Variants in ADARB2 observed in about 807,000 individuals in gnomAD.
The protein encoded by ADARB2 is adenosine deaminase RNA specific B2 (inactive), also known as inactive double-stranded RNA-specific editase B2.
A neutral mutation model predicts 62.2 loss-of-function variants in ADARB2; 25 were observed. The observed-to-expected ratio is 0.40, with a 90% CI of 0.29 to 0.56. The LOEUF is 0.56. Among genes scored for constraint, ADARB2 ranks in the 20% least tolerant of loss-of-function variants. ADARB2 has a pLI of 0.43. For missense variants in ADARB2, 1,071 were observed against 1,077.4 expected (o/e 0.99, Z 0.08); for synonymous variants, 572 against 500.8 (o/e 1.14, Z -1.90).
intron 1 of ADARB2, among the ~76,000 whole-genome samples, chr10:1,411,493 T>G (rs1832759275): frequency 6.6e-6 from 1 of 152,130 alleles, no homozygotes; most frequent in African/African-American, 2.4e-5. Context: ...GGACCCAAGA[T>G]TCTGTGAACC....
chr10:1,633,584 C>CTA (rs776560940), intron 1 of ADARB2, among the ~76,000 whole-genome samples: 33 of 144,894 alleles, frequency 2.3e-4, no homozygotes, highest in East Asian at 4.1e-4. Flanking sequence ...ATCTATCTAT[C>CTA]TATCTATCTA....
At chr10:1,629,868 G>A (rs1019540960) in intron 1 of ADARB2, among the ~76,000 whole-genome samples, 1 of 152,116 alleles carries the variant, frequency 6.6e-6, no homozygotes, top group Non-Finnish European at 1.5e-5. Flanking sequence ...AAGTGACCTG[G>A]ACACAAAGAC....
At chr10:1,686,750 TATG>T (rs1304932889) in intron 1 of ADARB2, among the ~76,000 whole-genome samples, 1 of 152,200 alleles carries the variant, frequency 6.6e-6, no homozygotes, top group Non-Finnish European at 1.5e-5. Flanking sequence ...ACAAGAATAA[TATG>T]ATATCACTTA....
At chr10:1,340,106 C>T (rs200064264) in intron 3 of ADARB2, among the ~76,000 whole-genome samples, 9 of 150,838 alleles carry the variant, frequency 6.0e-5, no homozygotes, top group Non-Finnish European at 7.4e-5. Flanking sequence ...CGGCAATAAC[C>T]GGCATCCACC....
chr10:1,551,472 G>T (rs1371683831), intron 1 of ADARB2, among the ~76,000 whole-genome samples: 1 of 152,188 alleles, frequency 6.6e-6, no homozygotes, highest in Non-Finnish European at 1.5e-5. Flanking sequence ...AAAGAGGCAG[G>T]CTCGAGCAGG....
At chr10:1,256,048 C>A (rs949990497) in intron 4 of ADARB2, among the ~76,000 whole-genome samples, 1 of 152,228 alleles carries the variant, frequency 6.6e-6, no homozygotes, top group Admixed American at 6.5e-5. Flanking sequence ...CTGCACAGAC[C>A]TCTCCACACT....
intron 1 of ADARB2, among the ~76,000 whole-genome samples, chr10:1,686,138 T>G (rs1588352373): frequency 6.6e-6 from 1 of 152,206 alleles, no homozygotes; most frequent in African/African-American, 2.4e-5. Context: ...AAAAAGTCTC[T>G]ACAAAAACAA....
chr10:1,459,216 G>A (rs6560734), intron 1 of ADARB2, among the ~76,000 whole-genome samples: 145,102 of 152,230 alleles, frequency 0.95, 69,431 homozygotes, highest in Non-Finnish European at 1. Context: ...TCATAAAGAC[G>A]TACGCACGTG....
intron 1 of ADARB2, among the ~76,000 whole-genome samples, chr10:1,502,531 G>A (rs1207481694): frequency 6.6e-6 from 1 of 152,216 alleles, no homozygotes; most frequent in Admixed American, 6.5e-5. Context: ...ACCCATGGAA[G>A]AAGCAAATCT....
At chr10:1,339,893 T>C (rs920673768) in intron 3 of ADARB2, among the ~76,000 whole-genome samples, 1 of 152,094 alleles carries the variant, frequency 6.6e-6, no homozygotes, top group Non-Finnish European at 1.5e-5. Context: ...GTTTTGAAGC[T>C]ACTCTCACAG....
At chr10:1,304,280 G>A (rs1241049542) in intron 3 of ADARB2, among the ~76,000 whole-genome samples, 2 of 151,160 alleles carry the variant, frequency 1.3e-5, no homozygotes, top group Non-Finnish European at 3.0e-5. Context: ...GACAAAGAAG[G>A]CCATTACATA....
chr10:1,666,568 G>A (rs1588344877), intron 1 of ADARB2, among the ~76,000 whole-genome samples: 1 of 152,200 alleles, frequency 6.6e-6, no homozygotes. Context: ...TGCCGCATCT[G>A]GGGTATCCAG....
At position 1,360,690 on chromosome 10, in the gene ADARB2, G is replaced by A. The variant is rs549814713; in HGVS notation, c.1077+2338C>T. ...CGAGGGAGGGTAAAATGGGCCCCTT[G>A]GACGCCGCGTGCAGAGCAGAGATGA... is the stretch of plus-strand genomic sequence containing the variant. On this transcript the variant is annotated intron_variant, in intron 3 of 9. Coordinates refer to ENST00000381312, the MANE Select transcript of ADARB2 (RefSeq NM_018702.4). 2.6e-5 allele frequency among the ~76,000 whole-genome samples: 4 copies of A among 152,306 alleles called. No homozygotes were observed. In the East Asian group the frequency reaches 5.8e-4, roughly 22 times the overall value.
intron 6 of ADARB2, among the ~76,000 whole-genome samples, chr10:1,227,501 C>G (rs1223699287): frequency 5.9e-5 from 9 of 152,212 alleles, no homozygotes; most frequent in Non-Finnish European, 1.5e-5. Context: ...GCGTCGCTCA[C>G]GCTGGGAGCT....
At chr10:1,273,339 C>A (rs1280750484) in intron 3 of ADARB2, among the ~76,000 whole-genome samples, 1 of 152,176 alleles carries the variant, frequency 6.6e-6, no homozygotes, top group African/African-American at 2.4e-5. Context: ...CGGCTCACTG[C>A]AACCTTGAAT....
chr10:1,517,974 A>C (rs757162227), intron 1 of ADARB2, among the ~76,000 whole-genome samples: 1 of 152,162 alleles, frequency 6.6e-6, no homozygotes, highest in Non-Finnish European at 1.5e-5. Flanking sequence ...AGTGAATGAA[A>C]GGGGGCAAAA....
intron 1 of ADARB2, among the ~76,000 whole-genome samples, chr10:1,481,773 C>T (rs548509615): frequency 1.9e-4 from 28 of 150,378 alleles, no homozygotes; most frequent in African/African-American, 6.6e-4. Flanking sequence ...AGGAGAATGG[C>T]TTGAACCCAG....
intron 1 of ADARB2, among the ~76,000 whole-genome samples, chr10:1,416,504 T>C (rs777268311): frequency 3.2e-4 from 48 of 152,140 alleles, no homozygotes; most frequent in Non-Finnish European, 6.6e-4. Context: ...CCCCTGTGGG[T>C]CTCTCTCCCT....
intron 1 of ADARB2, among the ~76,000 whole-genome samples, chr10:1,556,157 C>T (rs571539359): frequency 1.2e-3 from 185 of 152,146 alleles, no homozygotes; most frequent in Non-Finnish European, 2.4e-3. Flanking sequence ...GGCACCTTCC[C>T]GTGGCTGGGA....
Sources: gnomAD v4.1 joint callset for allele counts (sites outside exome capture counted in the v4.1 genomes callset) on GRCh38, gnomAD v4.1.1 for gene constraint, MANE v1.5 for transcripts, NCBI Gene and HGNC (gene_info 2026-07-23, HGNC 2026-07-21) for gene names.